The following POLR3GL variants were observed in gnomAD, a reference collection of about 807,000 sequenced individuals.
POLR3GL encodes RNA polymerase III subunit GL, also known as DNA-directed RNA polymerase III subunit RPC7-like.
Under a neutral mutation model 32.4 loss-of-function variants are expected in POLR3GL, and 26 were observed. The observed-to-expected ratio is 0.80, with a 90% CI of 0.59 to 1.11. POLR3GL has a LOEUF of 1.11. POLR3GL is among the 50% of genes most tolerant of loss of function. POLR3GL has a pLI of 0.00. For synonymous variants in POLR3GL, 95 were observed against 98.7 expected (o/e 0.96, Z 0.22); for missense variants, 229 against 280.1 (o/e 0.82, Z 1.30).
intron 2 of POLR3GL, 105 bp from the exon 3 acceptor site, chr1:145,975,202 G>T: frequency 3.5e-6 from 5 of 1,432,922 alleles, no homozygotes; most frequent in Non-Finnish European, 4.8e-6. Flanking sequence ...ATTGTCATTT[G>T]GCCCTCTGCT....
At chr1:145,974,435 G>A (rs587615499) in intron 1 of POLR3GL, among the ~76,000 whole-genome samples, 1 of 152,302 alleles carries the variant, frequency 6.6e-6, no homozygotes, top group African/African-American at 2.4e-5. Flanking sequence ...AGGATCTTGA[G>A]CCCAGGGGTT....
chr1:145,965,895 C>A (rs1559251437), intron 1 of POLR3GL, among the ~76,000 whole-genome samples: 1 of 151,694 alleles, frequency 6.6e-6, no homozygotes, highest in Non-Finnish European at 1.5e-5. Context: ...GCGGGCAGAT[C>A]GCCTGAGGTC....
intron 1 of POLR3GL, among the ~76,000 whole-genome samples, chr1:145,971,964 CAAAA>C (rs1187495263): frequency 5.9e-3 from 266 of 45,414 alleles, no homozygotes; most frequent in Middle Eastern, 0.026. Context: ...GACTCTGTCT[CAAAA>C]AAAAAAAAAA....
intron 1 of POLR3GL, among the ~76,000 whole-genome samples, chr1:145,973,835 A>T (rs926974447): frequency 4.6e-5 from 7 of 151,730 alleles, no homozygotes; most frequent in African/African-American, 7.3e-5. Context: ...CAATTCTAAG[A>T]TTCTATGCTT....
chr1:145,978,433 G>T lies in POLR3GL; in HGVS notation c.643G>T (p.Glu215Ter). ...TGGTGACAGTGATGACAATATGGAC[G>T]AGGCTATATACTGAAGAAGGACTCT... ...FGGDSDDNMDEAIY is the reference protein window; with the variant it reads ...FGGDSDDNMD The change falls in exon 8 of 8, where the codon GAG becomes TAG. Residue 215 changes from glutamate to a stop codon, truncating the protein, a stop_gained. Coordinates refer to ENST00000369314, the MANE Select transcript of POLR3GL (RefSeq NM_032305.3). LOFTEE classifies it high-confidence loss of function. 6.2e-7 allele frequency: 1 copy of T among 1,601,252 alleles called. No individual in the cohort carries two copies. The highest frequency in any genetic ancestry group is 8.6e-7 in the Non-Finnish European group (1 of 1,168,462).
chr1:145,969,996 C>T (rs1414621921), intron 1 of POLR3GL, among the ~76,000 whole-genome samples: 4 of 151,746 alleles, frequency 2.6e-5, no homozygotes, highest in African/African-American at 4.8e-5. Context: ...TCAAATTAAC[C>T]GTTGTTAATT....
Position 145,969,349 on chromosome 1 carries a change from C to T in POLR3GL, c.-42+4581C>T, listed in dbSNP as rs187628932. Among the ~76,000 whole-genome samples, 518 of 152,088 alleles carry T rather than the reference C, an allele frequency of 3.4e-3. 3 individuals carry two copies. The highest frequency in any genetic ancestry group is 0.012 in the African/African-American group (490 of 41,526). On this transcript the variant is annotated intron_variant, in intron 1 of 7. Coordinates refer to ENST00000369314, the MANE Select transcript of POLR3GL (RefSeq NM_032305.3). Reference sequence around the variant, plus strand: ...GCGCCATCTCGGCTCACTGCAACCTCCACCTCCCGGGTTCAAGCGATTCTC... The same window carrying T: ...GCGCCATCTCGGCTCACTGCAACCTTCACCTCCCGGGTTCAAGCGATTCTC...
chr1:145,970,875 CAAAAAAAAAAAA>C (rs35524546), intron 1 of POLR3GL, among the ~76,000 whole-genome samples: 13 of 13,202 alleles, frequency 9.8e-4, no homozygotes, highest in Admixed American at 1.5e-3. Flanking sequence ...AACTCCATCT[CAAAAAAAAAAAA>C]AAAAAAAAAA....
chr1:145,972,505 G>A (rs887434767), intron 1 of POLR3GL, among the ~76,000 whole-genome samples: 1 of 151,728 alleles, frequency 6.6e-6, no homozygotes, highest in African/African-American at 2.4e-5. Flanking sequence ...AATAAATTCA[G>A]TCATTTATTT....
rs1392646398 is a variant in POLR3GL at position 145,973,714 on chromosome 1, GA to G, written c.-41-1100del. ...GCAACAAAGTGAGACTCTGTCTCAA[GA>G]AAAAAAAAAAGAAGACACACACATA... On this transcript the variant is annotated intron_variant, in intron 1 of 7. Transcript: ENST00000369314. 1.9e-4 allele frequency among the ~76,000 whole-genome samples: 26 copies of G among 136,884 alleles called. 1 individual carries two copies. The highest frequency in any genetic ancestry group is 2.3e-4 in the South Asian group (1 of 4,330). The allele number at this position is 136,884 out of a possible 152,430, so 89.8% of individuals were successfully genotyped here. A position where few individuals can be genotyped will look rare whatever the true frequency, so the allele number is the denominator to read the frequency against.
chr1:145,971,989 A>AT (rs1329155080), intron 1 of POLR3GL, among the ~76,000 whole-genome samples: 12 of 66,964 alleles, frequency 1.8e-4, no homozygotes, highest in African/African-American at 5.8e-4. Flanking sequence ...AAAAAAAAAA[A>AT]ATATATATAT....
Position 145,975,357 on chromosome 1 carries a change from T to C in POLR3GL, c.177T>C (p.Tyr59=), listed in dbSNP as rs1553763235. Residue 59 remains tyrosine, a synonymous_variant, in exon 3 of 8, where the codon TAT becomes TAC. Coordinates refer to ENST00000369314, the MANE Select transcript of POLR3GL (RefSeq NM_032305.3). The part of the protein sequence containing the change: ...VPLPSGEEGE[Y]VLALKQELRG... ...TGCCCTCAGGCGAGGAAGGGGAATA[T>C]GTCCTGGCACTGAAGCAAGAGCTAC... 6.2e-7 allele frequency: 1 copy of C among 1,614,196 alleles called. No homozygotes were observed. Among genetic ancestry groups the C allele is most frequent in the Non-Finnish European group, 8.5e-7 (1 of 1,180,000 alleles).
At chr1:145,977,899 CCT>C in intron 6 of POLR3GL, 48 bp downstream of exon 6, 2 of 1,613,704 alleles carry the variant, frequency 1.2e-6, no homozygotes, top group Non-Finnish European at 1.7e-6. Flanking sequence ...GGATCCATTC[CCT>C]CTCTCTTGGC....
intron 1 of POLR3GL, among the ~76,000 whole-genome samples, chr1:145,972,308 A>T (rs1553762835): frequency 6.7e-6 from 1 of 148,522 alleles, no homozygotes. Context: ...TGAACCCGGG[A>T]GGTGGAGGTT....
chr1:145,970,249 G>A (rs1433519929), intron 1 of POLR3GL, among the ~76,000 whole-genome samples: 1 of 152,060 alleles, frequency 6.6e-6, no homozygotes. Context: ...GGGCTGAAGC[G>A]ATCCTTCCAC....
At chr1:145,965,010 G>A (rs1649955327) in intron 1 of POLR3GL, among the ~76,000 whole-genome samples, 1 of 152,182 alleles carries the variant, frequency 6.6e-6, no homozygotes, top group South Asian at 2.1e-4. Context: ...CTTTGCTATA[G>A]CATCAACTTC....
chr1:145,974,496 AG>A (rs1553763102), intron 1 of POLR3GL, among the ~76,000 whole-genome samples: 5 of 152,228 alleles, frequency 3.3e-5, no homozygotes, highest in Non-Finnish European at 7.3e-5. Flanking sequence ...CCTGGGTGAC[AG>A]AGCATCTCTA....
chr1:145,971,042 C>T (rs1650263824), intron 1 of POLR3GL, among the ~76,000 whole-genome samples: 1 of 149,986 alleles, frequency 6.7e-6, no homozygotes. Flanking sequence ...TAAAATTAGC[C>T]AGGCGTGGTG....
Position 145,977,239 on chromosome 1 carries a change from C to G in POLR3GL, c.325+87C>G, listed in dbSNP as rs1571001160. ...TTCCCACCACGCCCATGACCCCACC[C>G]CATTCCCCGATCCAGCATCTGCAAG... On this transcript the variant is annotated intron_variant, in intron 4 of 7. Coordinates refer to ENST00000369314, the MANE Select transcript of POLR3GL (RefSeq NM_032305.3). The G allele has an allele frequency of 4.3e-6, 5 of 1,165,970 alleles. No homozygotes were observed. In the East Asian group the frequency reaches 1.2e-4, roughly 27 times the overall value. The allele number at this position is 1,165,970 out of a possible 1,614,324, so 72.2% of individuals were successfully genotyped here. A position where few individuals can be genotyped will look rare whatever the true frequency, so the allele number is the denominator to read the frequency against.
Sources: allele counts gnomAD v4.1 joint callset (sites outside exome capture counted in the v4.1 genomes callset), GRCh38; gene constraint gnomAD v4.1.1; transcripts MANE v1.5; gene names NCBI Gene and HGNC (gene_info 2026-07-23, HGNC 2026-07-21).